Variants in CDH10 observed in about 807,000 individuals in gnomAD.
CDH10 encodes cadherin-10.
Under a neutral mutation model 73.1 loss-of-function variants are expected in CDH10, and 30 were observed. The ratio of observed to expected loss-of-function variants is 0.41; its 90% CI spans 0.31 to 0.56. CDH10 has a LOEUF of 0.56. Ranked by LOEUF, CDH10 falls within the 20% of genes least tolerant of loss-of-function variation. The pLI is 0.27. For missense variants in CDH10, 815 were observed against 973.7 expected (o/e 0.84, Z 2.17); for synonymous variants, 345 against 348.2 (o/e 0.99, Z 0.10).
intron 1 of CDH10, among the ~76,000 whole-genome samples, chr5:24,639,204 C>T (rs1036215824): frequency 2.6e-5 from 4 of 151,500 alleles, no homozygotes; most frequent in South Asian, 4.2e-4. Flanking sequence ...ATTTGAAGTT[C>T]GCTTCAGTAA....
intron 2 of CDH10, among the ~76,000 whole-genome samples, chr5:24,580,497 A>G (rs1162886071): frequency 6.6e-6 from 1 of 152,154 alleles, no homozygotes; most frequent in Non-Finnish European, 1.5e-5. Flanking sequence ...GTTGTAGAAA[A>G]AAATGAGTTA....
intron 5 of CDH10, among the ~76,000 whole-genome samples, chr5:24,524,822 A>G (rs1579759574): frequency 6.6e-6 from 1 of 152,114 alleles, no homozygotes; most frequent in Admixed American, 6.6e-5. Context: ...GGCTACATAA[A>G]TAAGTGCACT....
intron 2 of CDH10, chr5:24,554,119 G>GGAGAGAGAGAGAGAGAGAGA (rs71605680): frequency 1.5e-4 from 6 of 39,766 alleles, no homozygotes; most frequent in East Asian, 1.3e-3. Flanking sequence ...GGCGGGGGGG[G>GGAGAGAGAGAGAGAGAGAGA]GAGAGAGAGA....
At chr5:24,618,585 A>ATTT (rs1365777807) in intron 1 of CDH10, among the ~76,000 whole-genome samples, 17 of 152,206 alleles carry the variant, frequency 1.1e-4, no homozygotes, top group South Asian at 2.1e-4. Flanking sequence ...TTTATCTGAC[A>ATTT]TAGAGATTTC....
At chr5:24,520,787 A>T (rs1414398280) in intron 5 of CDH10, among the ~76,000 whole-genome samples, 1 of 151,908 alleles carries the variant, frequency 6.6e-6, no homozygotes, top group Non-Finnish European at 1.5e-5. Flanking sequence ...AGTGCAGTGG[A>T]GCCATCTCAG....
intron 8 of CDH10, chr5:24,499,223 C>A (rs753105278): frequency 3.9e-5 from 6 of 152,590 alleles, no homozygotes; most frequent in Non-Finnish European, 7.3e-5. Context: ...TGAAGATTCA[C>A]ATATTTTATT....
At chr5:24,626,842 ATATATATAAGTGTATATATATGTG>A (rs1448181000) in intron 1 of CDH10, among the ~76,000 whole-genome samples, 5 of 146,668 alleles carry the variant, frequency 3.4e-5, no homozygotes, top group African/African-American at 9.9e-5. Context: ...ATAAGTGTAT[ATATATATAAGTGTATATATATGTG>A]TATATATAAG....
intron 9 of CDH10, among the ~76,000 whole-genome samples, chr5:24,494,588 T>G (rs1742194332): frequency 6.6e-6 from 1 of 152,024 alleles, no homozygotes; most frequent in Non-Finnish European, 1.5e-5. Context: ...CATTTCCAAC[T>G]GTATATTTTC....
intron 1 of CDH10, among the ~76,000 whole-genome samples, chr5:24,606,197 C>T (rs1193964157): frequency 1.3e-5 from 2 of 152,252 alleles, no homozygotes; most frequent in South Asian, 2.1e-4. Context: ...ATGAATTTTA[C>T]TATCTGTAAA....
At chr5:24,554,497 T>C (rs1251614803) in intron 2 of CDH10, among the ~76,000 whole-genome samples, 1 of 151,358 alleles carries the variant, frequency 6.6e-6, no homozygotes, top group Non-Finnish European at 1.5e-5. Context: ...TGTGTGTGTG[T>C]GTGTGTGTGT....
At chr5:24,550,971 G>A (rs1406975187) in intron 2 of CDH10, among the ~76,000 whole-genome samples, 1 of 152,090 alleles carries the variant, frequency 6.6e-6, no homozygotes, top group African/African-American at 2.4e-5. Flanking sequence ...CTACCCAGTA[G>A]TGAGAATGAT....
chr5:24,491,428 T>C (rs1742049209), intron 11 of CDH10, 148 bp downstream of exon 11: 3 of 624,032 alleles, frequency 4.8e-6, no homozygotes, highest in East Asian at 5.6e-5. Flanking sequence ...TCAAATAAAG[T>C]ATTTTAATAT....
chr5:24,539,053 T>C (rs1487574896), intron 2 of CDH10, among the ~76,000 whole-genome samples: 1 of 152,090 alleles, frequency 6.6e-6, no homozygotes, highest in African/African-American at 2.4e-5. Flanking sequence ...TCTACAAAAA[T>C]ATTTATTATA....
At chr5:24,578,988 A>G (rs1283391266) in intron 2 of CDH10, among the ~76,000 whole-genome samples, 2 of 152,128 alleles carry the variant, frequency 1.3e-5, no homozygotes, top group African/African-American at 4.8e-5. Context: ...AGTTATAATT[A>G]CCAATATTGA....
chr5:24,535,557 T>G, intron 4 of CDH10, 146 bp downstream of exon 4: 2 of 772,164 alleles, frequency 2.6e-6, no homozygotes, highest in South Asian at 3.8e-5. Flanking sequence ...TCATTTAACT[T>G]TGAGTTCTTA....
At chr5:24,522,868 G>T (rs915952481) in intron 5 of CDH10, among the ~76,000 whole-genome samples, 5 of 152,070 alleles carry the variant, frequency 3.3e-5, no homozygotes, top group Non-Finnish European at 5.9e-5. Flanking sequence ...ACAGTTAACA[G>T]TATAGCATTT....
chr5:24,577,401 CG>C (rs2112043207), intron 2 of CDH10, among the ~76,000 whole-genome samples: 1 of 151,874 alleles, frequency 6.6e-6, no homozygotes, highest in Non-Finnish European at 1.5e-5. Context: ...TTCATTAATA[CG>C]TTTTTCAAAA....
At chr5:24,490,841 A>G (rs1336555077) in intron 11 of CDH10, among the ~76,000 whole-genome samples, 1 of 152,202 alleles carries the variant, frequency 6.6e-6, no homozygotes, top group Non-Finnish European at 1.5e-5. Flanking sequence ...GAATACAGGA[A>G]TGCCGATGGG....
chr5:24,615,342 T>G (rs573405670), intron 1 of CDH10, among the ~76,000 whole-genome samples: 1 of 152,238 alleles, frequency 6.6e-6, no homozygotes, highest in Non-Finnish European at 1.5e-5. Context: ...CACTAAAAAC[T>G]GACCTTCAAA....
Sources: gnomAD v4.1 joint callset for allele counts (sites outside exome capture counted in the v4.1 genomes callset) on GRCh38, gnomAD v4.1.1 for gene constraint, MANE v1.5 for transcripts, NCBI Gene and HGNC (gene_info 2026-07-23, HGNC 2026-07-21) for gene names.